FAM171B: variants seen among roughly 807,000 people sequenced by gnomAD.
FAM171B encodes the protein family with sequence similarity 171 member B.
Under a neutral mutation model 75.6 loss-of-function variants are expected in FAM171B, and 19 were observed. The observed-to-expected ratio is 0.25, with a 90% confidence interval of 0.18 to 0.37. The LOEUF is 0.37. FAM171B is among the 10% of genes least tolerant of loss of function. FAM171B has a pLI of 1.00. For synonymous variants in FAM171B, 367 were observed against 361.7 expected, an observed-to-expected ratio of 1.01 and a Z score of -0.17; for missense variants, 848 against 982.4, an observed-to-expected ratio of 0.86 and a Z score of 1.83.
At chr2:186,722,928 T>C (rs1232341102) in intron 1 of FAM171B, among the ~76,000 whole-genome samples, 4 of 152,156 alleles carry the variant, frequency 2.6e-5, no homozygotes, top group Non-Finnish European at 2.9e-5. Context: ...TTAGGAACTT[T>C]GGGGGAATAT....
At chr2:186,724,266 G>A (rs921309302) in intron 1 of FAM171B, among the ~76,000 whole-genome samples, 2 of 152,114 alleles carry the variant, frequency 1.3e-5, no homozygotes, top group African/African-American at 4.8e-5. Context: ...GGGGTATGCT[G>A]TTCCAGCTTG....
chr2:186,756,043 T>C lies in FAM171B; in HGVS notation c.1012+1994T>C, dbSNP rs560064766. 1.3e-4 allele frequency among the ~76,000 whole-genome samples: 20 copies of C among 152,302 alleles called. No individual in the cohort carries two copies. The South Asian group carries it at 3.9e-3, about 30-fold the overall frequency. On this transcript the variant is annotated intron_variant, in intron 6 of 7. Transcript: ENST00000304698. ...TAATAAAAATAACCTAAGGAGCATT[T>C]GAGTTTTATAGAGAAATGTACTTAC...
chr2:186,702,931 A>T (rs1036218002), intron 1 of FAM171B, among the ~76,000 whole-genome samples: 1 of 152,132 alleles, frequency 6.6e-6, no homozygotes. Context: ...GCAGATTTCT[A>T]TATCATCATA....
chr2:186,753,924 C>A lies in FAM171B; in HGVS notation c.896-9C>A. ...AACTGTAACAAGTATTTTTTACATA[C>A]CTTTTTAGGTGCTTGGGTAAATCAT... On this transcript the variant is annotated splice_polypyrimidine_tract_variant and intron_variant, in intron 5 of 7. Transcript: ENST00000304698. 6.2e-7 allele frequency: 1 copy of A among 1,608,152 alleles called. No homozygotes were observed. The highest frequency in any genetic ancestry group is 8.5e-7 in the Non-Finnish European group (1 of 1,175,014).
At chr2:186,751,070 A>G in intron 4 of FAM171B, 64 bp from the exon 5 acceptor site, 1 of 1,286,424 alleles carries the variant, frequency 7.8e-7, no homozygotes, top group Non-Finnish European at 1.1e-6. Flanking sequence ...TTTTAGACCT[A>G]TAATAATTAG....
At chr2:186,697,445 CT>C (rs907617255) in intron 1 of FAM171B, among the ~76,000 whole-genome samples, 5 of 152,098 alleles carry the variant, frequency 3.3e-5, no homozygotes, top group African/African-American at 9.7e-5. Flanking sequence ...TAGGGTCCTG[CT>C]TTGTTGCTCA....
At chr2:186,721,919 G>T (rs569471639) in intron 1 of FAM171B, among the ~76,000 whole-genome samples, 7 of 150,348 alleles carry the variant, frequency 4.7e-5, no homozygotes, top group Admixed American at 4.6e-4. Flanking sequence ...TTTGCTAATT[G>T]CTTAATGGGG....
chr2:186,719,482 A>G (rs906529787), intron 1 of FAM171B, among the ~76,000 whole-genome samples: 1 of 152,174 alleles, frequency 6.6e-6, no homozygotes, highest in African/African-American at 2.4e-5. Context: ...GCTCTCTATC[A>G]GGCTATTGTT....
At chr2:186,742,034 A>C (rs1264508863) in intron 2 of FAM171B, among the ~76,000 whole-genome samples, 1 of 152,146 alleles carries the variant, frequency 6.6e-6, no homozygotes, top group Non-Finnish European at 1.5e-5. Context: ...TATGTTATTA[A>C]ATGAAAAAGG....
At chr2:186,714,161 TTA>T (rs1689845602) in intron 1 of FAM171B, among the ~76,000 whole-genome samples, 1 of 151,548 alleles carries the variant, frequency 6.6e-6, no homozygotes, top group African/African-American at 2.4e-5. Context: ...GAGTAGTAAA[TTA>T]TGTTTGTCTC....
intron 1 of FAM171B, among the ~76,000 whole-genome samples, chr2:186,728,003 G>T (rs1460617275): frequency 1.3e-5 from 2 of 152,066 alleles, no homozygotes; most frequent in Non-Finnish European, 2.9e-5. Flanking sequence ...CCCCAAAGAA[G>T]CCTGATTTGG....
chr2:186,732,940 T>C (rs996882234), intron 1 of FAM171B, among the ~76,000 whole-genome samples: 1 of 152,216 alleles, frequency 6.6e-6, no homozygotes, highest in Non-Finnish European at 1.5e-5. Context: ...TTTCTATCTA[T>C]TGAGAGACAG....
chr2:186,723,306 C>A (rs1181513100), intron 1 of FAM171B, among the ~76,000 whole-genome samples: 2 of 152,142 alleles, frequency 1.3e-5, no homozygotes, highest in Non-Finnish European at 2.9e-5. Context: ...ATTTGAAACA[C>A]CTGGAGGATG....
chr2:186,734,644 G>T (rs2105783618), intron 1 of FAM171B, among the ~76,000 whole-genome samples: 1 of 152,288 alleles, frequency 6.6e-6, no homozygotes. Flanking sequence ...CCATGAGTGG[G>T]CCAGGAAGAT....
intron 1 of FAM171B, among the ~76,000 whole-genome samples, chr2:186,707,275 G>C (rs1286647624): frequency 6.6e-6 from 1 of 151,466 alleles, no homozygotes; most frequent in African/African-American, 2.4e-5. Context: ...TGTAGTTGAT[G>C]CTGTGCTTGC....
chr2:186,763,434 G>C lies in FAM171B; in HGVS notation c.*611G>C, dbSNP rs1472283305. On this transcript the variant is annotated 3_prime_UTR_variant, in exon 8 of 8. Transcript: ENST00000304698. ...AAGAAGCTACTTGGTCATTAGAGAG[G>C]GAGACACCAGCTCTTTGGTTGTTTT... 1 of 151,910 alleles carries C rather than the reference G, an allele frequency of 6.6e-6. No homozygotes were observed. Among genetic ancestry groups the C allele is most frequent in the Non-Finnish European group, 1.5e-5 (1 of 67,948 alleles). The allele number at this position is 151,910 out of a possible 1,614,324, so 9.4% of individuals were successfully genotyped here. A position where few individuals can be genotyped will look rare whatever the true frequency, so the allele number is the denominator to read the frequency against.
At chr2:186,730,668 A>G (rs567960808) in intron 1 of FAM171B, among the ~76,000 whole-genome samples, 3 of 152,304 alleles carry the variant, frequency 2.0e-5, no homozygotes, top group Admixed American at 6.5e-5. Context: ...TCAGATTTAT[A>G]TTAACATTAT....
At chr2:186,713,766 T>C (rs951699349) in intron 1 of FAM171B, among the ~76,000 whole-genome samples, 1 of 152,168 alleles carries the variant, frequency 6.6e-6, no homozygotes, top group Non-Finnish European at 1.5e-5. Context: ...CTTTGGAACA[T>C]TACCTAAAGC....
chr2:186,705,005 C>T (rs138353308), intron 1 of FAM171B, among the ~76,000 whole-genome samples: 47 of 152,294 alleles, frequency 3.1e-4, no homozygotes, highest in Non-Finnish European at 5.4e-4. Flanking sequence ...GGGGCTTAGC[C>T]TGTGAAGGTT....
Sources: allele counts gnomAD v4.1 joint callset (sites outside exome capture counted in the v4.1 genomes callset), GRCh38; gene constraint gnomAD v4.1.1; transcripts MANE v1.5; gene names NCBI Gene and HGNC (gene_info 2026-07-23, HGNC 2026-07-21).